Variants in SAMD4A observed in about 807,000 individuals in gnomAD.
SAMD4A encodes sterile alpha motif domain containing 4A.
Under a neutral mutation model 81.3 loss-of-function variants are expected in SAMD4A, and 33 were observed. The ratio of observed to expected loss-of-function variants is 0.41; its 90% CI spans 0.31 to 0.54. The LOEUF (loss-of-function observed/expected upper bound fraction) is 0.54, where lower values mean the gene tolerates loss of function less well. Ranked by LOEUF, SAMD4A falls within the 20% of genes least tolerant of loss-of-function variation. The pLI is 0.37. For synonymous variants in SAMD4A, 389 were observed against 382.1 expected (o/e 1.02, Z -0.21); for missense variants, 854 against 951.1 (o/e 0.90, Z 1.34).
At chr14:54,595,588 CTA>C (rs1369665962) in intron 2 of SAMD4A, among the ~76,000 whole-genome samples, 1 of 152,006 alleles carries the variant, frequency 6.6e-6, no homozygotes, top group Non-Finnish European at 1.5e-5. Flanking sequence ...GAGGTTCACT[CTA>C]GTGTCCCTCT....
chr14:54,605,172 C>T (rs1566543282), intron 2 of SAMD4A, among the ~76,000 whole-genome samples: 1 of 152,074 alleles, frequency 6.6e-6, no homozygotes, highest in Non-Finnish European at 1.5e-5. Context: ...GCGGGGGTAG[C>T]TTCCCTGAGC....
intron 2 of SAMD4A, among the ~76,000 whole-genome samples, chr14:54,617,993 A>G (rs1437438361): frequency 6.6e-6 from 1 of 152,210 alleles, no homozygotes; most frequent in Non-Finnish European, 1.5e-5. Flanking sequence ...ATATAATTTG[A>G]TCTTTAAGAA....
chr14:54,778,738 T>G (rs1046355180), intron 11 of SAMD4A, among the ~76,000 whole-genome samples: 1 of 152,184 alleles, frequency 6.6e-6, no homozygotes, highest in African/African-American at 2.4e-5. Context: ...ATTTCCTGAT[T>G]GCAAATAAAC....
chr14:54,601,244 C>T (rs1425099698), intron 2 of SAMD4A, among the ~76,000 whole-genome samples: 1 of 152,140 alleles, frequency 6.6e-6, no homozygotes, highest in East Asian at 1.9e-4. Context: ...ATTACAATAA[C>T]TCTCATCTCT....
At chr14:54,660,276 A>C (rs1189892767) in intron 2 of SAMD4A, among the ~76,000 whole-genome samples, 8 of 152,116 alleles carry the variant, frequency 5.3e-5, no homozygotes, top group African/African-American at 1.9e-4. Flanking sequence ...CCATATTTTA[A>C]TTGAGGAAAC....
At chr14:54,765,627 G>A (rs2038518063) in intron 8 of SAMD4A, among the ~76,000 whole-genome samples, 1 of 151,642 alleles carries the variant, frequency 6.6e-6, no homozygotes, top group Admixed American at 6.6e-5. Flanking sequence ...ACTTGTCTCG[G>A]GGAAAAAAAA....
intron 2 of SAMD4A, among the ~76,000 whole-genome samples, chr14:54,686,543 G>T (rs2036274085): frequency 7.1e-6 from 1 of 139,974 alleles, no homozygotes. Flanking sequence ...TTTCCATCGG[G>T]CTCTTTGGCT....
Position 54,611,178 on chromosome 14 carries a change from T to C in SAMD4A, c.196+43066T>C, listed in dbSNP as rs531460152. 2.0e-5 allele frequency among the ~76,000 whole-genome samples: 3 copies of C among 152,332 alleles called. No homozygotes were observed. In the South Asian group the frequency reaches 6.2e-4, roughly 32 times the overall value. On this transcript the variant is annotated intron_variant, in intron 2 of 12. Transcript: ENST00000554335. ...AAAAAAACCTAAAAAATTCAAAGAT[T>C]AGTTAATGAAGAAGAATTAATGTTA... is the stretch of plus-strand genomic sequence containing the variant.
rs184296600 is a variant in SAMD4A, at chr14:54,631,608, G to A, written c.196+63496G>A. On this transcript the variant is annotated intron_variant, in intron 2 of 12. Transcript: ENST00000554335. Reference sequence around the variant, plus strand: ...CTTAGAATGATGTGGCCTCAAAGAAGGAGTTTTCCTTTTACTGAATCAATA... The same window carrying A: ...CTTAGAATGATGTGGCCTCAAAGAAAGAGTTTTCCTTTTACTGAATCAATA... Among the ~76,000 whole-genome samples, 296 of 152,224 alleles carry A rather than the reference G, an allele frequency of 1.9e-3. 1 individual carries two copies. The highest frequency in any genetic ancestry group is 6.7e-3 in the African/African-American group (278 of 41,528).
At chr14:54,647,486 G>C (rs2035311263) in intron 2 of SAMD4A, among the ~76,000 whole-genome samples, 1 of 152,278 alleles carries the variant, frequency 6.6e-6, no homozygotes, top group East Asian at 1.9e-4. Flanking sequence ...AGAGCTTTCT[G>C]TGCTTGGCAC....
chr14:54,760,567 C>T lies in SAMD4A; in HGVS notation c.1510+73C>T, dbSNP rs1217094269. The T allele has an allele frequency of 3.7e-6, 5 of 1,357,814 alleles. No homozygotes were observed. In the African/African-American group the frequency reaches 4.6e-5, roughly 13 times the overall value. The allele number at this position is 1,357,814 out of a possible 1,614,324, so 84.1% of individuals were successfully genotyped here. On this transcript the variant is annotated intron_variant, in intron 7 of 12. Coordinates refer to ENST00000554335, the MANE Select transcript of SAMD4A (RefSeq NM_015589.6). ...CAGAGCGACAGGCTCCTGGGGGCTTCCCCTGGGTGCTGGATAAATTCCCTG... is the reference window on the plus strand; with the variant it reads ...CAGAGCGACAGGCTCCTGGGGGCTTTCCCTGGGTGCTGGATAAATTCCCTG...
At chr14:54,617,330 G>A (rs1566549707) in intron 2 of SAMD4A, among the ~76,000 whole-genome samples, 1 of 152,102 alleles carries the variant, frequency 6.6e-6, no homozygotes, top group African/African-American at 2.4e-5. Flanking sequence ...ACATACAAAT[G>A]ATCAACAAAC....
intron 2 of SAMD4A, among the ~76,000 whole-genome samples, chr14:54,665,434 T>C (rs1292785565): frequency 2.6e-5 from 4 of 152,248 alleles, no homozygotes; most frequent in African/African-American, 9.6e-5. Flanking sequence ...TGAGGTGTTT[T>C]ATTCTAGAGC....
At chr14:54,600,577 G>T (rs983237274) in intron 2 of SAMD4A, among the ~76,000 whole-genome samples, 2 of 152,176 alleles carry the variant, frequency 1.3e-5, no homozygotes, top group Non-Finnish European at 2.9e-5. Flanking sequence ...GACTAAAATT[G>T]TTTTCTTTGT....
chr14:54,636,280 G>A (rs1460186367), intron 2 of SAMD4A, among the ~76,000 whole-genome samples: 1 of 152,178 alleles, frequency 6.6e-6, no homozygotes, highest in African/African-American at 2.4e-5. Flanking sequence ...GATGTACGAG[G>A]AGGCTGGTGT....
chr14:54,779,553 G>T (rs910431221), intron 11 of SAMD4A, among the ~76,000 whole-genome samples: 1 of 152,154 alleles, frequency 6.6e-6, no homozygotes, highest in South Asian at 2.1e-4. Flanking sequence ...CCAAGTTGCG[G>T]ATCAATTCAT....
chr14:54,642,905 T>G (rs1011155902), intron 2 of SAMD4A, among the ~76,000 whole-genome samples: 1 of 152,202 alleles, frequency 6.6e-6, no homozygotes, highest in African/African-American at 2.4e-5. Context: ...AACCTCTGGA[T>G]GACAGAGAGC....
intron 11 of SAMD4A, among the ~76,000 whole-genome samples, chr14:54,777,858 C>T (rs961702296): frequency 2.2e-4 from 33 of 152,144 alleles, no homozygotes; most frequent in African/African-American, 7.5e-4. Context: ...TATTTATGCA[C>T]CAAAATATAA....
chr14:54,739,971 A>G (rs1334747658), intron 4 of SAMD4A, among the ~76,000 whole-genome samples: 3 of 152,198 alleles, frequency 2.0e-5, no homozygotes, highest in African/African-American at 7.2e-5. Flanking sequence ...GGAATTCGAG[A>G]CCAGCCTGGC....
Sources: allele counts gnomAD v4.1 joint callset (sites outside exome capture counted in the v4.1 genomes callset), GRCh38; gene constraint gnomAD v4.1.1; transcripts MANE v1.5; gene names NCBI Gene and HGNC (gene_info 2026-07-23, HGNC 2026-07-21).